Variants in DLEU7 observed in about 807,000 individuals in gnomAD.
DLEU7 encodes deleted in lymphocytic leukemia 7, also known as leukemia-associated protein 7.
Under a neutral mutation model 16.0 loss-of-function variants are expected in DLEU7, and 17 were observed. The observed-to-expected ratio is 1.06, with a 90% CI of 0.73 to 1.59. The LOEUF is 1.59. Among genes scored for constraint, DLEU7 ranks in the 40% most tolerant of loss-of-function variants. The probability of loss-of-function intolerance (pLI) is 0.00; values close to 1 mark genes in which losing one functional copy is unlikely to be tolerated. For synonymous variants in DLEU7, 113 were observed against 139.8 expected, an observed-to-expected ratio of 0.81 and a Z score of 1.35; for missense variants, 308 against 314.9, an observed-to-expected ratio of 0.98 and a Z score of 0.17.
At chr13:50,765,599 A>G (rs1875079267) in intron 1 of DLEU7, among the ~76,000 whole-genome samples, 3 of 152,192 alleles carry the variant, frequency 2.0e-5, no homozygotes, top group Non-Finnish European at 4.4e-5. Context: ...AGAAGAGAAT[A>G]AAATAAACAG....
intron 1 of DLEU7, among the ~76,000 whole-genome samples, chr13:50,790,395 A>G (rs968785651): frequency 1.3e-5 from 2 of 152,068 alleles, no homozygotes; most frequent in Non-Finnish European, 2.9e-5. Context: ...TATTTTTTTC[A>G]TGACACGATG....
At chr13:50,822,429 C>G (rs1048938592), downstream of DLEU7, among the ~76,000 whole-genome samples, 3 of 151,876 alleles carry the variant, frequency 2.0e-5, no homozygotes, top group Middle Eastern at 3.2e-3. Context: ...TACTTTGGCT[C>G]TCAACACAGT....
chr13:50,819,462 C>A (rs1255123602), downstream of DLEU7, among the ~76,000 whole-genome samples: 1 of 152,078 alleles, frequency 6.6e-6, no homozygotes, highest in Non-Finnish European at 1.5e-5. Context: ...GGAGAATAGA[C>A]TATAGAGAGC....
chr13:50,783,372 A>T (rs1180330819), intron 1 of DLEU7, among the ~76,000 whole-genome samples: 3 of 152,164 alleles, frequency 2.0e-5, no homozygotes, highest in Non-Finnish European at 4.4e-5. Context: ...CAATAGCTTG[A>T]TTCTAATCTA....
intron 1 of DLEU7, among the ~76,000 whole-genome samples, chr13:50,774,103 G>A (rs9596358): frequency 0.021 from 3,260 of 152,190 alleles, 108 homozygotes; most frequent in African/African-American, 0.073. Flanking sequence ...CTGGTGTGCC[G>A]TTTGCTAAGA....
At chr13:50,735,106 G>A (rs889219221) in intron 1 of DLEU7, among the ~76,000 whole-genome samples, 7 of 152,142 alleles carry the variant, frequency 4.6e-5, no homozygotes, top group African/African-American at 1.7e-4. Context: ...AAGATTTTTA[G>A]TTATAAATGT....
intron 1 of DLEU7, among the ~76,000 whole-genome samples, chr13:50,824,297 G>A (rs1210351467): frequency 3.3e-5 from 5 of 152,050 alleles, no homozygotes. Context: ...CAAATAAATG[G>A]TACATTTGGA....
chr13:50,774,947 C>T (rs529364410), intron 1 of DLEU7, among the ~76,000 whole-genome samples: 2 of 152,086 alleles, frequency 1.3e-5, no homozygotes, highest in African/African-American at 4.8e-5. Flanking sequence ...TTTCTTTTTA[C>T]GATTTACATA....
chr13:50,769,986 C>T (rs1011355838), intron 1 of DLEU7, among the ~76,000 whole-genome samples: 1 of 151,242 alleles, frequency 6.6e-6, no homozygotes, highest in African/African-American at 2.4e-5. Context: ...TAGTCCTTCA[C>T]ATCCCTTGTA....
At chr13:50,815,061 G>A (rs1876690266) in intron 1 of DLEU7, among the ~76,000 whole-genome samples, 1 of 152,002 alleles carries the variant, frequency 6.6e-6, no homozygotes, top group African/African-American at 2.4e-5. Context: ...ATATTAAAGT[G>A]TCTGAGTTAT....
chr13:50,809,800 G>T (rs1876509189), intron 1 of DLEU7, among the ~76,000 whole-genome samples: 1 of 151,960 alleles, frequency 6.6e-6, no homozygotes, highest in Non-Finnish European at 1.5e-5. Flanking sequence ...AAGTGTCTTT[G>T]CAAAAAAGAT....
chr13:50,820,234 A>G (rs559147892), downstream of DLEU7, among the ~76,000 whole-genome samples: 16 of 152,268 alleles, frequency 1.1e-4, no homozygotes, highest in African/African-American at 3.1e-4. Flanking sequence ...AGGGAATTGG[A>G]CAAAAAGAAT....
intron 1 of DLEU7, among the ~76,000 whole-genome samples, chr13:50,795,908 G>A (rs1876094978): frequency 6.6e-6 from 1 of 152,154 alleles, no homozygotes; most frequent in Admixed American, 6.5e-5. Context: ...TAGGGCAATT[G>A]AGTCAGAGTA....
exon 2 of DLEU7, chr13:50,713,181 C>T: frequency 6.2e-7 from 1 of 1,606,406 alleles, no homozygotes; most frequent in African/African-American, 1.3e-5. Context: ...AAATATGAAG[C>T]TCCTGATGGT....
At chr13:50,792,978 A>G (rs1186202450) in intron 1 of DLEU7, among the ~76,000 whole-genome samples, 1 of 151,918 alleles carries the variant, frequency 6.6e-6, no homozygotes, top group Non-Finnish European at 1.5e-5. Flanking sequence ...TCATCCAAGT[A>G]CTGAATATAA....
chr13:50,804,738 G>A (rs1379033546), intron 1 of DLEU7, among the ~76,000 whole-genome samples: 2 of 152,036 alleles, frequency 1.3e-5, no homozygotes, highest in African/African-American at 2.4e-5. Context: ...GAGCCACCAC[G>A]TCCAGCCAGT....
rs1232538022 is a variant in DLEU7 at position 50,737,073 on chromosome 13, A to G, written c.460-23833T>C. On this transcript the variant is annotated intron_variant, in intron 1 of 1. Coordinates refer to the DLEU7 transcript ENST00000400393. ...GAGTTTGTGGGGTGGGGGAACTCCAATCTCATACAAAATCTCTCAGAAAAT... is the reference window on the plus strand; with the variant it reads ...GAGTTTGTGGGGTGGGGGAACTCCAGTCTCATACAAAATCTCTCAGAAAAT... Among the ~76,000 whole-genome samples, 11 of 152,252 alleles carry G rather than the reference A, an allele frequency of 7.2e-5. 1 individual carries two copies. In the South Asian group the frequency reaches 1.0e-3, roughly 14 times the overall value.
chr13:50,793,066 C>G (rs546445438), intron 1 of DLEU7, among the ~76,000 whole-genome samples: 5 of 152,146 alleles, frequency 3.3e-5, no homozygotes, highest in African/African-American at 1.2e-4. Context: ...ATCTATTGTT[C>G]CTGTTTTTTG....
At chr13:50,813,884 T>G (rs1876643741) in intron 1 of DLEU7, among the ~76,000 whole-genome samples, 1 of 152,094 alleles carries the variant, frequency 6.6e-6, no homozygotes, top group Non-Finnish European at 1.5e-5. Context: ...TTAAGGGATC[T>G]CTTGTGAAGT....
Sources: allele counts gnomAD v4.1 joint callset (sites outside exome capture counted in the v4.1 genomes callset), GRCh38; gene constraint gnomAD v4.1.1; transcripts MANE v1.5; gene names NCBI Gene and HGNC (gene_info 2026-07-23, HGNC 2026-07-21).